Variants in NCK2 observed in about 807,000 individuals in gnomAD.
NCK2 encodes the protein cytoplasmic protein NCK2.
In NCK2, 16 loss-of-function variants were observed where a neutral mutation model predicts 33.9. The ratio of observed to expected loss-of-function variants is 0.47; its 90% CI spans 0.32 to 0.72. The LOEUF (loss-of-function observed/expected upper bound fraction) is 0.72, where lower values mean the gene tolerates loss of function less well. Ranked by LOEUF, NCK2 falls within the 30% of genes least tolerant of loss-of-function variation. NCK2 has a pLI of 0.03. For synonymous variants in NCK2, 273 were observed against 239.9 expected (o/e 1.14, Z -1.27); for missense variants, 418 against 537.3 (o/e 0.78, Z 2.19).
chr2:105,836,565 T>C (rs1676446031), intron 2 of NCK2, among the ~76,000 whole-genome samples: 1 of 152,218 alleles, frequency 6.6e-6, no homozygotes, highest in Non-Finnish European at 1.5e-5. Context: ...GCAGGCCCCA[T>C]GCAGTCAGCT....
At chr2:105,865,501 G>A (rs546855468) in intron 3 of NCK2, among the ~76,000 whole-genome samples, 6 of 152,208 alleles carry the variant, frequency 3.9e-5, no homozygotes, top group Admixed American at 3.3e-4. Flanking sequence ...CAATACTGGC[G>A]ACTCCCACCC....
At chr2:105,754,081 G>A (rs954017489) in intron 1 of NCK2, among the ~76,000 whole-genome samples, 1 of 152,182 alleles carries the variant, frequency 6.6e-6, no homozygotes, top group African/African-American at 2.4e-5. Flanking sequence ...GAGATAGGAC[G>A]GTGAGTCTGG....
chr2:105,790,934 C>T (rs139902539), intron 1 of NCK2, among the ~76,000 whole-genome samples: 230 of 152,284 alleles, frequency 1.5e-3, no homozygotes, highest in Non-Finnish European at 2.5e-3. Flanking sequence ...GAGTCCAACC[C>T]CTCCCCTTTA....
intron 2 of NCK2, among the ~76,000 whole-genome samples, chr2:105,833,069 C>T (rs1342608323): frequency 6.0e-5 from 9 of 150,032 alleles, no homozygotes; most frequent in Non-Finnish European, 3.0e-5. Context: ...TCTCCCCTCC[C>T]CTCCCCTCTT....
At chr2:105,852,723 A>G (rs746404630) in intron 2 of NCK2, among the ~76,000 whole-genome samples, 6 of 152,156 alleles carry the variant, frequency 3.9e-5, no homozygotes, top group Admixed American at 1.3e-4. Context: ...TGTTACTGCT[A>G]TTGCTCTTCT....
intron 3 of NCK2, among the ~76,000 whole-genome samples, chr2:105,860,196 G>A (rs1677463400): frequency 6.6e-6 from 1 of 152,146 alleles, no homozygotes; most frequent in South Asian, 2.1e-4. Flanking sequence ...TCAGTTGGGA[G>A]GACTGCTTGA....
At chr2:105,749,872 T>A (rs1689396972) in intron 1 of NCK2, among the ~76,000 whole-genome samples, 4 of 151,914 alleles carry the variant, frequency 2.6e-5, no homozygotes, top group African/African-American at 7.3e-5. Context: ...CTTAAGAGAA[T>A]AACACACAGA....
chr2:105,805,410 T>C (rs1239835789), intron 1 of NCK2, among the ~76,000 whole-genome samples: 1 of 152,216 alleles, frequency 6.6e-6, no homozygotes, highest in African/African-American at 2.4e-5. Flanking sequence ...CTAAACATAC[T>C]TTAAAAACAC....
chr2:105,765,233 A>G (rs1375581099), intron 1 of NCK2, among the ~76,000 whole-genome samples: 5 of 152,220 alleles, frequency 3.3e-5, no homozygotes, highest in African/African-American at 4.8e-5. Context: ...GGATTGATCT[A>G]TTCTAGAGGA....
chr2:105,835,720 A>T (rs1248237681), intron 2 of NCK2, among the ~76,000 whole-genome samples: 1 of 151,874 alleles, frequency 6.6e-6, no homozygotes, highest in Non-Finnish European at 1.5e-5. Context: ...GAGGGTTTCT[A>T]TGCTTTTCTC....
rs749536605 is a variant in NCK2, at chr2:105,881,462, G to A, written c.361G>A (p.Ala121Thr). The A allele has an allele frequency of 1.2e-6, 2 of 1,613,708 alleles. No individual in the cohort carries two copies. The highest frequency in any genetic ancestry group is 2.2e-5 in the East Asian group (1 of 44,886). Residue 121 changes from alanine to threonine, a missense_variant, in exon 4 of 5, where the codon GCC becomes ACC. Coordinates refer to ENST00000233154, the MANE Select transcript of NCK2 (RefSeq NM_003581.5). ...DLNIPAFVKFAYVAEREDELS... is the reference protein window; with the variant it reads ...DLNIPAFVKFTYVAEREDELS... ...CAACATCCCGGCCTTCGTCAAGTTCGCCTATGTGGCCGAGCGGGAGGATGA... is the reference window on the plus strand; with the variant it reads ...CAACATCCCGGCCTTCGTCAAGTTCACCTATGTGGCCGAGCGGGAGGATGA...
intron 1 of NCK2, among the ~76,000 whole-genome samples, chr2:105,778,086 T>C (rs1256679716): frequency 6.6e-6 from 1 of 152,186 alleles, no homozygotes; most frequent in Admixed American, 6.5e-5. Context: ...AGAAACCCCA[T>C]TGAGCTCTGT....
chr2:105,874,698 GAGC>G (rs1456499985), intron 3 of NCK2, among the ~76,000 whole-genome samples: 1 of 152,212 alleles, frequency 6.6e-6, no homozygotes, highest in Non-Finnish European at 1.5e-5. Context: ...ATGACAGGCA[GAGC>G]ATGTTTTAAA....
intron 1 of NCK2, among the ~76,000 whole-genome samples, chr2:105,799,355 G>A (rs1674719471): frequency 6.6e-6 from 1 of 151,964 alleles, no homozygotes; most frequent in South Asian, 2.1e-4. Flanking sequence ...TGTAAATCTT[G>A]GATACCTTTG....
Position 105,894,198 on chromosome 2 carries a change from G to A in NCK2, c.*1022G>A, listed in dbSNP as rs771933718. The A allele has an allele frequency of 3.9e-5, 6 of 152,554 alleles. No homozygotes were observed. Among genetic ancestry groups the A allele is most frequent in the Admixed American group, 1.3e-4 (2 of 15,274 alleles). The allele number at this position is 152,554 out of a possible 1,614,324, so 9.5% of individuals were successfully genotyped here. On this transcript the variant is annotated 3_prime_UTR_variant, in exon 5 of 5. Transcript: ENST00000233154. ...GAGATGGCACATTCCTACGATTGAA[G>A]AAGGGGTCTTGAGATCCCCTAAACT...
At chr2:105,749,774 G>A (rs1689394179) in intron 1 of NCK2, among the ~76,000 whole-genome samples, 1 of 152,070 alleles carries the variant, frequency 6.6e-6, no homozygotes, top group Non-Finnish European at 1.5e-5. Context: ...CCCACATCCT[G>A]GTTATGGGCC....
intron 2 of NCK2, among the ~76,000 whole-genome samples, chr2:105,849,985 G>A (rs1049491618): frequency 1.3e-5 from 2 of 152,148 alleles, no homozygotes; most frequent in African/African-American, 4.8e-5. Flanking sequence ...GGGCTAAGGT[G>A]GCAGTAAGGC....
At chr2:105,757,951 G>GTGAA (rs3073520) in intron 1 of NCK2, among the ~76,000 whole-genome samples, 36,078 of 151,986 alleles carry the variant, frequency 0.24, 4,799 homozygotes, top group Middle Eastern at 0.37. Context: ...CACAGCTGGG[G>GTGAA]TGAAGCACCT....
At chr2:105,809,386 C>T (rs1212737831) in intron 1 of NCK2, among the ~76,000 whole-genome samples, 2 of 152,150 alleles carry the variant, frequency 1.3e-5, no homozygotes, top group Non-Finnish European at 2.9e-5. Flanking sequence ...GGCTGGAAGT[C>T]CAAGATCAAG....
Sources: allele counts gnomAD v4.1 joint callset (sites outside exome capture counted in the v4.1 genomes callset), GRCh38; gene constraint gnomAD v4.1.1; transcripts MANE v1.5; gene names NCBI Gene and HGNC (gene_info 2026-07-23, HGNC 2026-07-21).